The following CASP9 variants were observed in gnomAD, a reference collection of about 807,000 sequenced individuals.
CASP9 encodes caspase 9, also known as caspase-9.
CASP9 carries 29 observed loss-of-function variants against 43.5 expected under a neutral mutation model. The ratio of observed to expected loss-of-function variants is 0.67; its 90% CI spans 0.50 to 0.91. The LOEUF (loss-of-function observed/expected upper bound fraction) is 0.91. Among genes scored for constraint, CASP9 ranks in the 40% least tolerant of loss-of-function variants. The pLI, the probability that CASP9 is intolerant of heterozygous loss-of-function variation, is 0.00. For missense variants in CASP9, 575 were observed against 537.4 expected (o/e 1.07, Z -0.69); for synonymous variants, 206 against 211.9 (o/e 0.97, Z 0.24).
intron 1 of CASP9, among the ~76,000 whole-genome samples, chr1:15,520,658 G>A (rs1320968967): frequency 3.0e-4 from 46 of 152,316 alleles, no homozygotes; most frequent in Admixed American, 2.8e-3. Context: ...AGCAGACCGC[G>A]AAGGGGAGTC....
intron 3 of CASP9, 55 bp downstream of exon 3, chr1:15,507,818 G>A (rs1448089094): frequency 4.5e-6 from 7 of 1,561,866 alleles, no homozygotes; most frequent in African/African-American, 1.4e-5. Context: ...CCTGAGGGGT[G>A]GGGAGGGAAG....
Position 15,491,433 on chromosome 1 carries a change from C to T in CASP9, c.*1510G>A, listed in dbSNP as rs558534721. On this transcript the variant is annotated 3_prime_UTR_variant, in exon 9 of 9. Coordinates refer to ENST00000333868, the MANE Select transcript of CASP9 (RefSeq NM_001229.5). The stretch of plus-strand genomic sequence containing the variant: ...GAGGGTTTTATTATTATTATTAATT[C>T]AGAAATCCATCCTAACATCCAGGGC... The T allele has an allele frequency of 5.1e-6, 7 of 1,375,802 alleles. No individual in the cohort carries two copies. The African/African-American group carries it at 1.0e-4, about 20-fold the overall frequency. 85.2% of individuals were successfully genotyped at this position (1,375,802 alleles called of 1,614,324 possible).
chr1:15,524,174 C>G lies in CASP9; in HGVS notation c.27G>C (p.Leu9=), dbSNP rs562138654. The part of the protein sequence containing the change: MDEADRRL[L]RRCRLRLVEE... Reference sequence around the variant, plus strand: ...CCACCAGCCGCAGCCGGCACCGCCGCAGGAGCCGCCGATCCGCTTCGTCCA... The same window carrying G: ...CCACCAGCCGCAGCCGGCACCGCCGGAGGAGCCGCCGATCCGCTTCGTCCA... The change falls in exon 1 of 9, where the codon CTG becomes CTC. Residue 9 remains leucine, a synonymous_variant. Transcript: ENST00000333868. 5.8e-6 allele frequency: 9 copies of G among 1,542,086 alleles called. No homozygotes were observed. The Admixed American group carries it at 7.8e-5, about 13-fold the overall frequency.
intron 2 of CASP9, among the ~76,000 whole-genome samples, chr1:15,511,565 A>G (rs1294105356): frequency 1.3e-5 from 2 of 152,076 alleles, no homozygotes; most frequent in South Asian, 2.1e-4. Flanking sequence ...CACCACGCCC[A>G]GCTAATTTTT....
chr1:15,521,775 T>C (rs1270203016), intron 1 of CASP9, among the ~76,000 whole-genome samples: 1 of 148,782 alleles, frequency 6.7e-6, no homozygotes, highest in East Asian at 1.9e-4. Flanking sequence ...CCCAGCTGTC[T>C]TTTTTTCTAT....
At chr1:15,501,591 C>T (rs905056096) in intron 6 of CASP9, among the ~76,000 whole-genome samples, 12 of 152,150 alleles carry the variant, frequency 7.9e-5, no homozygotes, top group Non-Finnish European at 1.3e-4. Context: ...GTGGCGCCAC[C>T]ATGTGGTAAC....
At chr1:15,513,571 A>C (rs1356449271) in intron 2 of CASP9, among the ~76,000 whole-genome samples, 2 of 152,048 alleles carry the variant, frequency 1.3e-5, no homozygotes, top group African/African-American at 4.8e-5. Context: ...TCATAGCACT[A>C]CCCACAGCCG....
intron 2 of CASP9, among the ~76,000 whole-genome samples, chr1:15,515,677 C>T (rs1189482749): frequency 6.6e-6 from 1 of 152,214 alleles, no homozygotes. Context: ...TTTTACCCAT[C>T]ACACAGGAAA....
At chr1:15,493,656 G>T in intron 8 of CASP9, 1 of 1,446,492 alleles carries the variant, frequency 6.9e-7, no homozygotes, top group Non-Finnish European at 9.1e-7. Context: ...GTCAACCTGG[G>T]GACCTTGGAG....
At chr1:15,524,742 G>A (rs1265948045), upstream of CASP9, 4 of 1,001,450 alleles carry the variant, frequency 4.0e-6, no homozygotes, top group Non-Finnish European at 4.7e-6. Context: ...GTCACCGCCT[G>A]TCCCCAGAAC....
At position 15,491,510 on chromosome 1, in the gene CASP9, C is replaced by A. The variant is rs1339174913; in HGVS notation, c.*1433G>T. On this transcript the variant is annotated 3_prime_UTR_variant, in exon 9 of 9. Coordinates refer to ENST00000333868, the MANE Select transcript of CASP9 (RefSeq NM_001229.5). ...CAATGGCTCAAGCCTGTAACCCCTG[C>A]ACTTTGGGAGGCTAAGGCAGGCTGA... 4.5e-6 allele frequency: 3 copies of A among 664,182 alleles called. No homozygotes were observed. The highest frequency in any genetic ancestry group is 7.5e-6 in the Non-Finnish European group (3 of 401,560). 41.1% of individuals were successfully genotyped at this position (664,182 alleles called of 1,614,324 possible). A position where few individuals can be genotyped will look rare whatever the true frequency, so the allele number is the denominator to read the frequency against.
Position 15,505,985 on chromosome 1 carries a change from C to T in CASP9, c.720+5G>A. 1.2e-6 allele frequency: 2 copies of T among 1,612,666 alleles called. No homozygotes were observed. Among genetic ancestry groups the T allele is most frequent in the Non-Finnish European group, 1.7e-6 (2 of 1,178,618 alleles). ...CTGCCCAGGGAACAGTGGGAGGCTT[C>T]CTACCTGACAGCCGTGAGAGAGAAT... On this transcript the variant is annotated splice_donor_5th_base_variant and intron_variant, in intron 5 of 8. Coordinates refer to ENST00000333868, the MANE Select transcript of CASP9 (RefSeq NM_001229.5).
chr1:15,501,752 G>C (rs1709338662), intron 6 of CASP9, among the ~76,000 whole-genome samples: 1 of 152,148 alleles, frequency 6.6e-6, no homozygotes, highest in Admixed American at 6.5e-5. Context: ...GCCAAATTTG[G>C]CTCATATTTT....
intron 6 of CASP9, among the ~76,000 whole-genome samples, chr1:15,500,608 G>A (rs143557942): frequency 6.6e-6 from 1 of 152,230 alleles, no homozygotes; most frequent in Non-Finnish European, 1.5e-5. Flanking sequence ...CCAAAGGGGG[G>A]CCTCTTTGAT....
In CASP9 at chr1:15,494,758, G is replaced by C. The variant is rs183505497; in HGVS notation, c.1048+515C>G. Among the ~76,000 whole-genome samples, 6 of 150,868 alleles carry C rather than the reference G, an allele frequency of 4.0e-5. No individual in the cohort carries two copies. In the South Asian group the frequency reaches 1.0e-3, roughly 26 times the overall value. ...GGTGCTTGTAGTCCCAGCTACTTGG[G>C]AGGCTGAGGCAGGAGAATGGTGTGA... is the stretch of plus-strand genomic sequence containing the variant. On this transcript the variant is annotated intron_variant, in intron 7 of 8. Coordinates refer to ENST00000333868, the MANE Select transcript of CASP9 (RefSeq NM_001229.5).
intron 1 of CASP9, among the ~76,000 whole-genome samples, chr1:15,523,240 A>T (rs1308080346): frequency 6.6e-6 from 1 of 152,268 alleles, no homozygotes; most frequent in African/African-American, 2.4e-5. Context: ...CAAAGAGGGC[A>T]GGGTACGCTG....
chr1:15,513,695 G>A (rs1335641347), intron 2 of CASP9, among the ~76,000 whole-genome samples: 1 of 152,202 alleles, frequency 6.6e-6, no homozygotes, highest in East Asian at 1.9e-4. Context: ...GAACCCAACA[G>A]GTACTTAGTA....
At chr1:15,495,565 T>C (rs1264884722) in intron 6 of CASP9, 113 bp from the exon 7 acceptor site, 2 of 988,714 alleles carry the variant, frequency 2.0e-6, no homozygotes, top group East Asian at 3.1e-5. Flanking sequence ...GGAAAATAAA[T>C]CTTGGGACCC....
At chr1:15,509,460 CAAAAAAAAAA>C (rs563284288) in intron 2 of CASP9, among the ~76,000 whole-genome samples, 45 of 105,662 alleles carry the variant, frequency 4.3e-4, no homozygotes, top group Non-Finnish European at 7.5e-4. Context: ...ACTAAAAATA[CAAAAAAAAAA>C]AAAAAAAAAG....
Sources: allele counts gnomAD v4.1 joint callset (sites outside exome capture counted in the v4.1 genomes callset), GRCh38; gene constraint gnomAD v4.1.1; transcripts MANE v1.5; gene names NCBI Gene and HGNC (gene_info 2026-07-23, HGNC 2026-07-21).